NCF4: variants seen among roughly 807,000 people sequenced by gnomAD.
NCF4 encodes neutrophil cytosolic factor 4, also known as neutrophil cytosol factor 4.
Under a neutral mutation model 41.7 loss-of-function variants are expected in NCF4, and 30 were observed. That is an observed-to-expected ratio of 0.72 (90% CI 0.54 to 0.97). The LOEUF is 0.97. Among genes scored for constraint, NCF4 ranks in the 50% least tolerant of loss-of-function variants. The pLI, the probability that NCF4 is intolerant of heterozygous loss-of-function variation, is 0.00. For missense variants in NCF4, 432 were observed against 460.9 expected (o/e 0.94, Z 0.57); for synonymous variants, 195 against 175.8 (o/e 1.11, Z -0.87).
chr22:36,869,900 T>C (rs971555450), intron 4 of NCF4, among the ~76,000 whole-genome samples: 3 of 152,140 alleles, frequency 2.0e-5, no homozygotes, highest in African/African-American at 4.8e-5. Flanking sequence ...ATTTGGGTTA[T>C]TTTGGGAGCC....
chr22:36,872,504 T>G, intron 7 of NCF4, 79 bp downstream of exon 7: 1 of 1,246,630 alleles, frequency 8.0e-7, no homozygotes, highest in South Asian at 1.3e-5. Flanking sequence ...GAGGTGAGGG[T>G]GGAAGTGCAA....
chr22:36,874,244 A>G (rs982518880), intron 7 of NCF4, among the ~76,000 whole-genome samples: 5 of 152,182 alleles, frequency 3.3e-5, no homozygotes, highest in Admixed American at 3.3e-4. Context: ...TGGAGGTGGG[A>G]AGTGGCTGTG....
At chr22:36,864,826 T>TTCCTCC (rs369648488) in intron 2 of NCF4, 93 bp from the exon 3 acceptor site, 10 of 1,483,908 alleles carry the variant, frequency 6.7e-6, no homozygotes, top group Admixed American at 3.5e-5. Context: ...CCTCATCATC[T>TTCCTCC]TCCTCCTCCT....
Position 36,875,663 on chromosome 22 carries a change from G to C in NCF4, c.638G>C (p.Arg213Pro), listed in dbSNP as rs376569226. 1 of 1,611,736 alleles carries C rather than the reference G, an allele frequency of 6.2e-7. No individual in the cohort carries two copies. Among genetic ancestry groups the C allele is most frequent in the Non-Finnish European group, 8.5e-7 (1 of 1,180,024 alleles). ...INKDWLEGTV[R>P]GATGIFPLSF... The stretch of plus-strand genomic sequence containing the variant: ...TCTCTTCCTCTGCAGGGCACTGTCC[G>C]GGGAGCCACGGGCATCTTCCCTCTC... Residue 213 changes from arginine (R) to proline (P), a missense_variant, in exon 8 of 10, where the codon CGG becomes CCG. By Grantham distance (103) the Arg-to-Pro change is moderately radical. Transcript: ENST00000248899.
chr22:36,867,577 A>C lies in NCF4; in HGVS notation c.342+115A>C, dbSNP rs1462326763. 8.1e-6 allele frequency: 9 copies of C among 1,111,666 alleles called. No homozygotes were observed. The East Asian group carries it at 2.0e-4, about 25-fold the overall frequency. 68.9% of individuals were successfully genotyped at this position (1,111,666 alleles called of 1,614,324 possible). A position where few individuals can be genotyped will look rare whatever the true frequency, so the allele number is the denominator to read the frequency against. On this transcript the variant is annotated intron_variant, in intron 4 of 9. Coordinates refer to ENST00000248899, the MANE Select transcript of NCF4 (RefSeq NM_000631.5). ...AACTGGGGCTGGCTCTCTGGCTCTG[A>C]TGGCCCCATCTTCAATCCCTAAAGG...
At chr22:36,873,056 T>G (rs865875959) in intron 7 of NCF4, among the ~76,000 whole-genome samples, 83 of 76,316 alleles carry the variant, frequency 1.1e-3, no homozygotes, top group South Asian at 1.3e-3. Context: ...GGAGGTGAGA[T>G]TGGAGGTAAG....
chr22:36,877,906 G>A lies in NCF4; in HGVS notation c.*83G>A. On this transcript the variant is annotated 3_prime_UTR_variant, in exon 10 of 10. Coordinates refer to ENST00000248899, the MANE Select transcript of NCF4 (RefSeq NM_000631.5). ...GGAGATTGGGACCAGGAAAACCTGG[G>A]AGGATGGGCAGACTTCCTGTCTTTG... The A allele has an allele frequency of 1.0e-5, 14 of 1,399,658 alleles. No homozygotes were observed. Among genetic ancestry groups the A allele is most frequent in the Admixed American group, 2.0e-5 (1 of 49,354 alleles). 86.7% of individuals were successfully genotyped at this position (1,399,658 alleles called of 1,614,324 possible).
In NCF4 at chr22:36,877,689, C is replaced by G. The variant is rs199500127; in HGVS notation, c.886C>G (p.Arg296Gly). 6.2e-7 allele frequency: 1 copy of G among 1,614,026 alleles called. No individual in the cohort carries two copies. Among genetic ancestry groups the G allele is most frequent in the Non-Finnish European group, 8.5e-7 (1 of 1,180,054 alleles). ...NYRDAEGDLV[R>G]LLSDEDVALM... ...CCGGGACGCTGAGGGGGATCTGGTT[C>G]GGCTGCTGTCGGATGAGGACGTAGC... Residue 296 changes from arginine (R) to glycine (G), a missense_variant, in exon 10 of 10, where the codon CGG becomes GGG. By Grantham distance (125) the Arg-to-Gly change is moderately radical. Coordinates refer to ENST00000248899, the MANE Select transcript of NCF4 (RefSeq NM_000631.5).
chr22:36,861,788 G>A (rs527701548), intron 1 of NCF4, among the ~76,000 whole-genome samples: 10 of 152,278 alleles, frequency 6.6e-5, no homozygotes, highest in East Asian at 3.9e-4. Flanking sequence ...GGCTGTGTCC[G>A]TTTTGATCGC....
rs1939900726 is a variant in NCF4 at position 36,865,247 on chromosome 22, C to A, written c.271+175C>A. 6.6e-6 allele frequency among the ~76,000 whole-genome samples: 1 copy of A among 152,132 alleles called. No individual in the cohort carries two copies. Among genetic ancestry groups the A allele is most frequent in the Admixed American group, 6.5e-5 (1 of 15,274 alleles). On this transcript the variant is annotated intron_variant, in intron 3 of 9. Transcript: ENST00000248899. This position sits in a 1 kb window ranked among gnomAD's most constrained non-coding sequence, Gnocchi z 4.3. ...AGCCCTCCCTGCATGGCTCCCCCTG[C>A]CTCACGCCATGGCTTCCACCCCAAG...
At chr22:36,868,060 G>A (rs1939970553) in intron 4 of NCF4, among the ~76,000 whole-genome samples, 1 of 152,256 alleles carries the variant, frequency 6.6e-6, no homozygotes, top group Non-Finnish European at 1.5e-5. Flanking sequence ...GAGCGTAGAG[G>A]AAGGAGCATC....
intron 3 of NCF4, among the ~76,000 whole-genome samples, chr22:36,866,621 C>T (rs775241229): frequency 9.9e-5 from 15 of 152,114 alleles, no homozygotes; most frequent in Non-Finnish European, 1.3e-4. Flanking sequence ...ACCCTCCTAC[C>T]GCCGCCGCCA....
intron 6 of NCF4, among the ~76,000 whole-genome samples, 199 bp downstream of exon 6, chr22:36,871,908 C>G (rs753604692): frequency 6.6e-6 from 1 of 152,260 alleles, no homozygotes; most frequent in African/African-American, 2.4e-5. Flanking sequence ...GGGCATGTGA[C>G]CAGCGTGCGG....
intron 2 of NCF4, among the ~76,000 whole-genome samples, chr22:36,864,709 TTTTTC>T (rs980628505): frequency 7.9e-5 from 12 of 152,154 alleles, no homozygotes; most frequent in South Asian, 2.1e-4. Flanking sequence ...TCCAGTTTTT[TTTTTC>T]TTTTCTTTTC....
Position 36,867,451 on chromosome 22 carries a change from G to A in NCF4, c.331G>A (p.Ala111Thr), listed in dbSNP as rs778347689. The part of the protein sequence containing the change: ...IAEMRIPALN[A>T]YMKSLLSLPV... ...CGAGATGCGGATACCTGCCCTCAAC[G>A]CCTACATGAAGGTACCAGTGGGCCT... Residue 111 changes from alanine (A) to threonine (T), a missense_variant, in exon 4 of 10, where the codon GCC (alanine) becomes ACC (threonine). By Grantham distance (58) the Ala-to-Thr change is moderately conservative. Coordinates refer to ENST00000248899, the MANE Select transcript of NCF4 (RefSeq NM_000631.5). The A allele has an allele frequency of 3.1e-6, 5 of 1,614,178 alleles. No individual in the cohort carries two copies. The highest frequency in any genetic ancestry group is 2.7e-5 in the African/African-American group (2 of 75,048).
At chr22:36,861,871 A>C (rs1311077653) in intron 1 of NCF4, among the ~76,000 whole-genome samples, 1 of 152,216 alleles carries the variant, frequency 6.6e-6, no homozygotes, top group Non-Finnish European at 1.5e-5. Flanking sequence ...TTGCTGAATG[A>C]ATGAATAAAT....
At chr22:36,867,924 A>G (rs1939966975) in intron 4 of NCF4, among the ~76,000 whole-genome samples, 1 of 152,224 alleles carries the variant, frequency 6.6e-6, no homozygotes, top group African/African-American at 2.4e-5. Context: ...AAACTAGAGT[A>G]GGCCTCCTCT....
chr22:36,866,101 T>G (rs780388163), intron 3 of NCF4, among the ~76,000 whole-genome samples: 4 of 152,160 alleles, frequency 2.6e-5, no homozygotes, highest in Non-Finnish European at 4.4e-5. Context: ...TCCTGAGCCA[T>G]GAAACAGCAT....
chr22:36,875,614 T>C (rs748361475), intron 7 of NCF4, 39 bp from the exon 8 acceptor site: 4 of 1,586,580 alleles, frequency 2.5e-6, no homozygotes, highest in Non-Finnish European at 3.4e-6. Context: ...CTGCTGCCTC[T>C]CCTCTCACCA....
Sources: allele counts gnomAD v4.1 joint callset (sites outside exome capture counted in the v4.1 genomes callset), GRCh38; gene constraint gnomAD v4.1.1; non-coding constraint Gnocchi (gnomAD v3.1); transcripts MANE v1.5; gene names NCBI Gene and HGNC (gene_info 2026-07-23, HGNC 2026-07-21).